NAV3: variants seen among roughly 807,000 people sequenced by gnomAD.
NAV3 encodes pore membrane and/or filament interacting like protein 1.
NAV3 carries 87 observed loss-of-function variants against 244.7 expected under a neutral mutation model. The observed-to-expected ratio is 0.36, with a 90% CI of 0.30 to 0.42. The LOEUF (loss-of-function observed/expected upper bound fraction) is 0.42. Among genes scored for constraint, NAV3 ranks in the 20% least tolerant of loss-of-function variants. The pLI is 1.00. For missense variants in NAV3, 2,663 were observed against 2,893.3 expected, an observed-to-expected ratio of 0.92 and a Z score of 1.83; for synonymous variants, 1,126 against 1,042.2, an observed-to-expected ratio of 1.08 and a Z score of -1.55.
chr12:78,085,440 C>A (rs1362110991), intron 12 of NAV3, among the ~76,000 whole-genome samples: 1 of 152,062 alleles, frequency 6.6e-6, no homozygotes, highest in Non-Finnish European at 1.5e-5. Flanking sequence ...ACATCACATG[C>A]CCAAGGCCAA....
intron 2 of NAV3, among the ~76,000 whole-genome samples, chr12:77,674,268 A>T (rs899404925): frequency 6.6e-6 from 1 of 152,220 alleles, no homozygotes; most frequent in Admixed American, 6.5e-5. Flanking sequence ...TACATAGGCA[A>T]ATCTAAATGA....
At chr12:77,839,292 T>C (rs1875206221) in intron 1 of NAV3, among the ~76,000 whole-genome samples, 1 of 152,208 alleles carries the variant, frequency 6.6e-6, no homozygotes, top group Non-Finnish European at 1.5e-5. Context: ...ATCATAGTAA[T>C]AACAACAACA....
intron 2 of NAV3, among the ~76,000 whole-genome samples, chr12:77,776,745 C>T (rs1238769570): frequency 6.6e-6 from 1 of 152,070 alleles, no homozygotes; most frequent in Non-Finnish European, 1.5e-5. Context: ...TGCAGGGAGG[C>T]CGAGGTGGGC....
At chr12:78,133,354 T>G (rs1259042579) in intron 18 of NAV3, among the ~76,000 whole-genome samples, 2 of 151,680 alleles carry the variant, frequency 1.3e-5, no homozygotes, top group Non-Finnish European at 2.9e-5. Flanking sequence ...TGAGTACTCT[T>G]AAAATGCAAT....
chr12:77,749,000 T>G (rs945002325), intron 2 of NAV3, among the ~76,000 whole-genome samples: 1 of 152,216 alleles, frequency 6.6e-6, no homozygotes, highest in African/African-American at 2.4e-5. Flanking sequence ...CAATTTTATT[T>G]GTCAATTATA....
chr12:78,037,396 A>G (rs1446033030), intron 9 of NAV3: 1 of 688,172 alleles, frequency 1.5e-6, no homozygotes, highest in African/African-American at 1.8e-5. Context: ...GGTAAGTCCA[A>G]TTTGCTCCTA....
intron 13 of NAV3, 78 bp from the exon 14 acceptor site, chr12:78,117,949 A>C: frequency 6.0e-6 from 8 of 1,326,150 alleles, no homozygotes; most frequent in Non-Finnish European, 8.1e-6. Context: ...CAGTTATCTG[A>C]AAGTACATTT....
At chr12:77,584,480 A>T (rs1266239306) in intron 2 of NAV3, among the ~76,000 whole-genome samples, 2 of 152,094 alleles carry the variant, frequency 1.3e-5, no homozygotes, top group Non-Finnish European at 2.9e-5. Flanking sequence ...TGGTTAGATT[A>T]AATGCTTATG....
At chr12:78,091,350 C>T (rs967622895) in intron 12 of NAV3, among the ~76,000 whole-genome samples, 1 of 152,138 alleles carries the variant, frequency 6.6e-6, no homozygotes, top group African/African-American at 2.4e-5. Flanking sequence ...AGGCATAACT[C>T]TTTGATTAAT....
chr12:78,154,195 T>G (rs1327552908), intron 22 of NAV3, among the ~76,000 whole-genome samples: 1 of 122,596 alleles, frequency 8.2e-6, no homozygotes, highest in Non-Finnish European at 1.7e-5. Context: ...AATACTATAT[T>G]ATATATACTC....
At chr12:77,808,781 C>T (rs1439771430) in intron 2 of NAV3, among the ~76,000 whole-genome samples, 2 of 152,286 alleles carry the variant, frequency 1.3e-5, no homozygotes, top group Middle Eastern at 3.4e-3. Context: ...CCATAGCCCC[C>T]GCTTCCACCA....
chr12:77,901,317 G>A (rs909644555), intron 1 of NAV3, among the ~76,000 whole-genome samples: 1 of 152,166 alleles, frequency 6.6e-6, no homozygotes, highest in African/African-American at 2.4e-5. Context: ...ATCAAAAACT[G>A]TATTTCCTAA....
intron 2 of NAV3, among the ~76,000 whole-genome samples, chr12:77,768,822 T>C (rs955763929): frequency 1.3e-5 from 2 of 152,206 alleles, no homozygotes; most frequent in Non-Finnish European, 2.9e-5. Flanking sequence ...CCATGGAGTG[T>C]GCAACCCTGG....
intron 1 of NAV3, among the ~76,000 whole-genome samples, chr12:77,879,956 T>C (rs1320585306): frequency 1.3e-5 from 2 of 152,158 alleles, no homozygotes; most frequent in Admixed American, 1.3e-4. Flanking sequence ...AATTCTCTAC[T>C]CTCATTTTCC....
At chr12:77,791,830 A>G (rs1871189625) in intron 2 of NAV3, among the ~76,000 whole-genome samples, 1 of 152,276 alleles carries the variant, frequency 6.6e-6, no homozygotes, top group African/African-American at 2.4e-5. Flanking sequence ...CAATATAGCA[A>G]GTATTTGCAT....
chr12:78,168,691 A>G, intron 23 of NAV3, 64 bp from the exon 24 acceptor site: 1 of 1,047,420 alleles, frequency 9.5e-7, no homozygotes, highest in Middle Eastern at 2.1e-4. Context: ...TAATTCAACT[A>G]TGAGCAGGGA....
chr12:77,711,936 C>A (rs1018994920), intron 2 of NAV3, among the ~76,000 whole-genome samples: 2 of 152,192 alleles, frequency 1.3e-5, no homozygotes, highest in African/African-American at 4.8e-5. Flanking sequence ...TAGCCCTCTA[C>A]TTCCAATGAA....
chr12:77,891,662 ATAACT>A (rs1439078975), intron 1 of NAV3, among the ~76,000 whole-genome samples: 3 of 152,240 alleles, frequency 2.0e-5, no homozygotes, highest in African/African-American at 7.2e-5. Flanking sequence ...GACAGGGCTA[ATAACT>A]TAACAAACAC....
intron 12 of NAV3, among the ~76,000 whole-genome samples, chr12:78,113,720 C>T (rs1955225478): frequency 6.6e-6 from 1 of 152,138 alleles, no homozygotes; most frequent in South Asian, 2.1e-4. Flanking sequence ...GTCTGACATG[C>T]CTTGGAGACA....
Sources: gnomAD v4.1 joint callset for allele counts (sites outside exome capture counted in the v4.1 genomes callset) on GRCh38, gnomAD v4.1.1 for gene constraint, MANE v1.5 for transcripts, NCBI Gene and HGNC (gene_info 2026-07-23, HGNC 2026-07-21) for gene names.